The following NTSR1 variants were observed in gnomAD, a reference collection of about 807,000 sequenced individuals.
The protein encoded by NTSR1 is neurotensin receptor 1.
A neutral mutation model predicts 31.2 loss-of-function variants in NTSR1; 29 were observed. The observed-to-expected ratio is 0.93, with a 90% confidence interval of 0.69 to 1.27. NTSR1 has a LOEUF of 1.27. Ranked by LOEUF, NTSR1 falls within the 50% of genes most tolerant of loss-of-function variation. The probability of loss-of-function intolerance (pLI) is 0.00; values close to 1 mark genes in which losing one functional copy is unlikely to be tolerated. For synonymous variants in NTSR1, 282 were observed against 269.9 expected, an observed-to-expected ratio of 1.04 and a Z score of -0.44; for missense variants, 697 against 595.4, an observed-to-expected ratio of 1.17 and a Z score of -1.78.
In NTSR1 at chr20:62,732,691, G is replaced by A. The variant is rs1989019317; in HGVS notation, c.715-21994G>A. The A allele has an allele frequency of 6.6e-6, 1 of 152,204 alleles. No individual in the cohort carries two copies. The highest frequency in any genetic ancestry group is 2.1e-4 in the South Asian group (1 of 4,834). The allele number at this position is 152,204 out of a possible 1,614,324, so 9.4% of individuals were successfully genotyped here. A position where few individuals can be genotyped will look rare whatever the true frequency, so the allele number is the denominator to read the frequency against. ...GTTTTCCTTTCTTGTAACATCCTCG[G>A]TTTTGTTATTGGGGTAATGCCGGCC... On this transcript the variant is annotated intron_variant, in intron 1 of 3. Transcript: ENST00000370501. This position sits in a 1 kb window ranked among gnomAD's most constrained non-coding sequence, Gnocchi z 4.0.
At position 62,709,548 on chromosome 20, in the gene NTSR1, T is replaced by C; in HGVS notation, c.341T>C (p.Leu114Pro). 1 of 1,612,128 alleles carries C rather than the reference T, an allele frequency of 6.2e-7. No homozygotes were observed. The highest frequency in any genetic ancestry group is 8.5e-7 in the Non-Finnish European group (1 of 1,179,860). Residue 114 changes from leucine to proline, a missense_variant, in exon 1 of 4, where the codon CTC becomes CCC. By Grantham distance (98) the Leu-to-Pro change is moderately conservative. Transcript: ENST00000370501. ...HLGSLALSDL[L>P]TLLLAMPVEL... is the part of the protein sequence containing the mutation. ...GGCAGCCTGGCGCTGTCCGACCTGCTCACCCTGCTGCTGGCCATGCCCGTG... is the reference window on the plus strand; with the variant it reads ...GGCAGCCTGGCGCTGTCCGACCTGCCCACCCTGCTGCTGGCCATGCCCGTG...
At position 62,711,230 on chromosome 20, in the gene NTSR1, C is replaced by T. The variant is rs890097991; in HGVS notation, c.714+1309C>T. ...CTACAGGTGTCCCATCTCGGGGAGG[C>T]CCCTCCCACAGACACTGGTGGCAGG... On this transcript the variant is annotated intron_variant, in intron 1 of 3. Coordinates refer to ENST00000370501, the MANE Select transcript of NTSR1 (RefSeq NM_002531.3). This position sits in a 1 kb window ranked among gnomAD's most constrained non-coding sequence, Gnocchi z 6.4. 1.1e-4 allele frequency among the ~76,000 whole-genome samples: 17 copies of T among 152,164 alleles called. No individual in the cohort carries two copies. The highest frequency in any genetic ancestry group is 1.8e-4 in the Non-Finnish European group (12 of 68,016).
chr20:62,715,289 G>A lies in NTSR1; in HGVS notation c.714+5368G>A, dbSNP rs550154058. Among the ~76,000 whole-genome samples, 4 of 152,182 alleles carry A rather than the reference G, an allele frequency of 2.6e-5. No individual in the cohort carries two copies. The highest frequency in any genetic ancestry group is 4.8e-5 in the African/African-American group (2 of 41,438). On this transcript the variant is annotated intron_variant, in intron 1 of 3. Coordinates refer to ENST00000370501, the MANE Select transcript of NTSR1 (RefSeq NM_002531.3). This position sits in a 1 kb window ranked among gnomAD's most constrained non-coding sequence, Gnocchi z 4.7. ...CCAGACCTGCCTGTTGGAGCCAGGT[G>A]GGAGACGGCAGGGTGAGGACGTGCA...
intron 3 of NTSR1, among the ~76,000 whole-genome samples, chr20:62,759,706 T>C (rs757987188): frequency 5.2e-4 from 71 of 135,390 alleles, no homozygotes; most frequent in African/African-American, 1.4e-3. Flanking sequence ...ACCCGGGAGG[T>C]GGAGCTTGCA....
chr20:62,740,833 A>G (rs1198901085), intron 1 of NTSR1, among the ~76,000 whole-genome samples: 3 of 152,230 alleles, frequency 2.0e-5, no homozygotes, highest in Admixed American at 6.5e-5. Flanking sequence ...ATGGGCTTGA[A>G]GCTGGCAGAT....
At chr20:62,750,614 C>T (rs1038282827) in intron 1 of NTSR1, among the ~76,000 whole-genome samples, 1 of 151,172 alleles carries the variant, frequency 6.6e-6, no homozygotes, top group African/African-American at 2.4e-5. Context: ...TGGCGTGAAC[C>T]CGGGAGGCGG....
At chr20:62,737,148 T>C (rs1989110607) in intron 1 of NTSR1, among the ~76,000 whole-genome samples, 1 of 152,216 alleles carries the variant, frequency 6.6e-6, no homozygotes, top group African/African-American at 2.4e-5. Context: ...CTTTCCCGGA[T>C]GGATGGTGCG....
At chr20:62,726,784 C>T (rs542017672) in intron 1 of NTSR1, among the ~76,000 whole-genome samples, 4 of 152,300 alleles carry the variant, frequency 2.6e-5, no homozygotes, top group South Asian at 2.1e-4. Context: ...CCATGCTCCC[C>T]GAGGCACAGG....
chr20:62,709,827 T>C lies in NTSR1; in HGVS notation c.620T>C (p.Met207Thr), dbSNP rs766267212. 3.1e-6 allele frequency: 5 copies of C among 1,612,352 alleles called. No homozygotes were observed. Among genetic ancestry groups the C allele is most frequent in the Non-Finnish European group, 4.2e-6 (5 of 1,179,668 alleles). ...CTGGCGGTGCCTATGCTGTTCACCA[T>C]GGGCGAGCAGAACCGCAGCGCCGAC... Reference protein sequence around the residue: ...ALLAVPMLFTMGEQNRSADGQ... With the variant: ...ALLAVPMLFTTGEQNRSADGQ... Residue 207 changes from methionine to threonine, a missense_variant, in exon 1 of 4, where the codon ATG (methionine) becomes ACG (threonine). Physicochemically the swap from Met to Thr is moderately conservative, Grantham distance 81. Transcript: ENST00000370501.
rs1989562797 is a variant in NTSR1 at position 62,758,938 on chromosome 20, ACC to A, written c.1007+585_1007+586del. Among the ~76,000 whole-genome samples the A allele has an allele frequency of 6.6e-6, 1 of 151,728 alleles. No individual in the cohort carries two copies. The highest frequency in any genetic ancestry group is 2.1e-4 in the South Asian group (1 of 4,812). On this transcript the variant is annotated intron_variant, in intron 3 of 3. Coordinates refer to ENST00000370501, the MANE Select transcript of NTSR1 (RefSeq NM_002531.3). The surrounding 1 kb of genome is among the most constrained non-coding windows in gnomAD (Gnocchi z 4.5). ...ACAGGGGCACCCACTGCCTGGCAAA[ACC>A]CCTACTGTTTGCACCAACAGTTCAG...
intron 1 of NTSR1, among the ~76,000 whole-genome samples, chr20:62,716,109 C>T (rs759760736): frequency 2.6e-5 from 4 of 152,220 alleles, no homozygotes; most frequent in Admixed American, 6.5e-5. Flanking sequence ...GCGTGAAGCA[C>T]GTTCACATTG....
chr20:62,722,440 A>G (rs537269759), intron 1 of NTSR1, among the ~76,000 whole-genome samples: 1 of 152,088 alleles, frequency 6.6e-6, no homozygotes, highest in Non-Finnish European at 1.5e-5. Flanking sequence ...GATGCCAGCC[A>G]CCCTCTGATA....
intron 1 of NTSR1, among the ~76,000 whole-genome samples, chr20:62,752,568 G>A (rs1430657963): frequency 1.3e-4 from 20 of 152,250 alleles, no homozygotes; most frequent in Admixed American, 1.3e-3. Context: ...TCCTCCAACG[G>A]GGGCAGCCAG....
rs1600725430 is a variant in NTSR1, at chr20:62,732,279, G to C, written c.714+22358G>C. On this transcript the variant is annotated intron_variant, in intron 1 of 3. Transcript: ENST00000370501. The surrounding 1 kb of genome is among the most constrained non-coding windows in gnomAD (Gnocchi z 4.0). ...CCCTATCTTAGGAAGAAAAGCTTCA[G>C]GTTTGTCACCATTGAGTATGACATG... is the stretch of plus-strand genomic sequence containing the variant. 6.6e-6 allele frequency among the ~76,000 whole-genome samples: 1 copy of C among 152,222 alleles called. No individual in the cohort carries two copies. The highest frequency in any genetic ancestry group is 2.4e-5 in the African/African-American group (1 of 41,452).
intron 1 of NTSR1, among the ~76,000 whole-genome samples, chr20:62,729,081 TA>T (rs569167173): frequency 2.0e-5 from 3 of 152,328 alleles, no homozygotes; most frequent in African/African-American, 7.2e-5. Context: ...TGCAGGGAGC[TA>T]AACCTGAGAC....
In NTSR1 at chr20:62,754,869, A is replaced by G; in HGVS notation, c.899A>G (p.His300Arg). ...IEPGRVQALRHGVRVLRAVVI... is the reference protein window; with the variant it reads ...IEPGRVQALRRGVRVLRAVVI... ...CCTGGCAGGGTCCAGGCCCTGCGGC[A>G]CGGCGTGCGCGTCCTACGTACGTAA... Residue 300 changes from histidine (H) to arginine (R), a missense_variant, in exon 2 of 4, where the codon CAC (histidine) becomes CGC (arginine). Coordinates refer to ENST00000370501, the MANE Select transcript of NTSR1 (RefSeq NM_002531.3). 1 of 1,602,560 alleles carries G rather than the reference A, an allele frequency of 6.2e-7. No homozygotes were observed.
In NTSR1 at chr20:62,760,250, C is replaced by T. The variant is rs200413077; in HGVS notation, c.1240C>T (p.Arg414Cys). The change falls in exon 4 of 4, where the codon CGC becomes TGC. Residue 414 changes from arginine (R) to cysteine (C), a missense_variant. Physicochemically the swap from Arg to Cys is radical, Grantham distance 180. Transcript: ENST00000370501. Reference sequence around the variant, plus strand: ...CCACACCCTCTCCAGCAATGCCACCCGCGAGACGCTGTACTAGGCTGTGCG... The same window carrying T: ...CCACACCCTCTCCAGCAATGCCACCTGCGAGACGCTGTACTAGGCTGTGCG... ...SNHTLSSNAT[R>C]ETLY 8.8e-5 allele frequency: 142 copies of T among 1,612,210 alleles called. No homozygotes were observed. Among genetic ancestry groups the T allele is most frequent in the Non-Finnish European group, 1.5e-5 (18 of 1,179,526 alleles).
intron 1 of NTSR1, among the ~76,000 whole-genome samples, chr20:62,747,339 GGCC>G (rs1989318082): frequency 7.5e-6 from 1 of 133,242 alleles, no homozygotes. Context: ...TCAGTGTAAA[GGCC>G]ACGTATGACA....
rs769550075 is a variant in NTSR1, at chr20:62,754,877, C to T, written c.907C>T (p.Arg303Cys). 8.8e-6 allele frequency: 14 copies of T among 1,598,482 alleles called. No individual in the cohort carries two copies. The highest frequency in any genetic ancestry group is 4.0e-5 in the African/African-American group (3 of 74,896). ...GGTCCAGGCCCTGCGGCACGGCGTGCGCGTCCTACGTACGTAACCTCTGGG... is the reference window on the plus strand; with the variant it reads ...GGTCCAGGCCCTGCGGCACGGCGTGTGCGTCCTACGTACGTAACCTCTGGG... ...GRVQALRHGV[R>C]VLRAVVIAFV... is the part of the protein sequence containing the mutation. The change falls in exon 2 of 4, where the codon CGC (arginine) becomes TGC (cysteine). Residue 303 changes from arginine (R) to cysteine (C), a missense_variant. Transcript: ENST00000370501.
Sources: gnomAD v4.1 joint callset for allele counts (sites outside exome capture counted in the v4.1 genomes callset) on GRCh38, gnomAD v4.1.1 for gene constraint, Gnocchi (gnomAD v3.1) non-coding constraint, MANE v1.5 for transcripts, NCBI Gene and HGNC (gene_info 2026-07-23, HGNC 2026-07-21) for gene names.